SAMMSON: variants seen among roughly 807,000 people sequenced by gnomAD.
SAMMSON encodes the protein survival associated mitochondrial melanoma specific oncogenic non-coding RNA, also known as long intergenic non-protein coding RNA 1212.
At chr3:70,395,003 G>A (rs1192013819) in intron 2 of SAMMSON, among the ~76,000 whole-genome samples, 3 of 152,092 alleles carry the variant, frequency 2.0e-5, no homozygotes, top group East Asian at 3.9e-4. Context: ...GCTGAGTTTG[G>A]TGCTCTCTTA....
intron 2 of SAMMSON, among the ~76,000 whole-genome samples, chr3:70,413,085 TAAG>T (rs1701234651): frequency 6.6e-6 from 1 of 152,128 alleles, no homozygotes; most frequent in Admixed American, 6.6e-5. Context: ...TTTCCTTACT[TAAG>T]GAAACTAGAA....
Position 70,245,998 on chromosome 3 carries a change from A to C in SAMMSON, n.508-3109A>C, listed in dbSNP as rs559836963. On this transcript the variant is annotated intron_variant and non_coding_transcript_variant, in intron 4 of 9. Coordinates refer to ENST00000642114, the Ensembl canonical transcript of SAMMSON. ...GGAACTGAAATTGACAACAGCCTACATTTATATAACAATAACTTGCATTGT... is the reference window on the plus strand; with the variant it reads ...GGAACTGAAATTGACAACAGCCTACCTTTATATAACAATAACTTGCATTGT... 2.0e-5 allele frequency among the ~76,000 whole-genome samples: 3 copies of C among 151,762 alleles called. No individual in the cohort carries two copies. The South Asian group carries it at 6.2e-4, about 32-fold the overall frequency.
At chr3:70,079,211 C>G (rs925963032) in intron 4 of SAMMSON, among the ~76,000 whole-genome samples, 1 of 152,188 alleles carries the variant, frequency 6.6e-6, no homozygotes, top group Non-Finnish European at 1.5e-5. Flanking sequence ...GAGTCTCTGG[C>G]TAAGTTGCTT....
intron 4 of SAMMSON, among the ~76,000 whole-genome samples, chr3:70,191,401 G>A (rs753225435): frequency 6.6e-6 from 1 of 152,236 alleles, no homozygotes; most frequent in Non-Finnish European, 1.5e-5. Flanking sequence ...GAATGCTGAT[G>A]AGGGGCTGGC....
At chr3:70,238,349 T>A (rs551805643) in intron 4 of SAMMSON, among the ~76,000 whole-genome samples, 1 of 152,148 alleles carries the variant, frequency 6.6e-6, no homozygotes, top group South Asian at 2.1e-4. Context: ...GGCTCACACC[T>A]GTAACTCCAA....
chr3:70,368,719 T>A lies in SAMMSON; in HGVS notation n.913+10395T>A, dbSNP rs113997788. Among the ~76,000 whole-genome samples, 946 of 151,778 alleles carry A rather than the reference T, an allele frequency of 6.2e-3. 6 individuals are homozygous for A. The highest frequency in any genetic ancestry group is 0.024 in the Middle Eastern group (7 of 294). On this transcript the variant is annotated intron_variant and non_coding_transcript_variant, in intron 9 of 9. Coordinates refer to ENST00000642114, the Ensembl canonical transcript of SAMMSON. ...TTCTGGGCTCTCTGTTATGTTCTGT[T>A]GATTTATGTGTTTATTCCTTCACCA...
intron 7 of SAMMSON, among the ~76,000 whole-genome samples, chr3:70,353,237 T>C (rs1702806358): frequency 6.6e-6 from 1 of 151,952 alleles, no homozygotes; most frequent in Non-Finnish European, 1.5e-5. Flanking sequence ...TGTAAAATAA[T>C]AAAACTTTTC....
chr3:70,374,038 T>C (rs4974284), intron 9 of SAMMSON, among the ~76,000 whole-genome samples: 18,768 of 152,036 alleles, frequency 0.12, 1,368 homozygotes, highest in East Asian at 0.33. Flanking sequence ...TATCAGCCTC[T>C]GGAGTAGCTG....
chr3:70,248,084 T>G (rs1197964110), intron 4 of SAMMSON, among the ~76,000 whole-genome samples: 1 of 152,042 alleles, frequency 6.6e-6, no homozygotes, highest in Non-Finnish European at 1.5e-5. Context: ...TTATTGAGTA[T>G]GTATTAAATT....
At chr3:70,377,934 C>T (rs805479) in intron 9 of SAMMSON, among the ~76,000 whole-genome samples, 1 of 151,446 alleles carries the variant, frequency 6.6e-6, no homozygotes, top group Admixed American at 6.6e-5. Context: ...GACTGACAAA[C>T]ATTTAATAAG....
At chr3:70,027,731 T>C (rs940814540) in intron 3 of SAMMSON, among the ~76,000 whole-genome samples, 3 of 152,220 alleles carry the variant, frequency 2.0e-5, no homozygotes, top group African/African-American at 7.2e-5. Flanking sequence ...TTAGAAGCCA[T>C]ACATCATCAG....
intron 3 of SAMMSON, among the ~76,000 whole-genome samples, chr3:70,040,626 G>C (rs796736552): frequency 3.3e-5 from 5 of 152,216 alleles, no homozygotes; most frequent in African/African-American, 1.2e-4. Context: ...CCACCCTTTG[G>C]AATGCTGCAG....
chr3:70,327,550 A>T (rs1297622675), intron 7 of SAMMSON, among the ~76,000 whole-genome samples: 2 of 152,170 alleles, frequency 1.3e-5, no homozygotes, highest in South Asian at 2.1e-4. Context: ...AGAGCAAACA[A>T]TCAAGTCTTC....
At chr3:70,245,055 G>T (rs960115428) in intron 4 of SAMMSON, among the ~76,000 whole-genome samples, 2 of 152,038 alleles carry the variant, frequency 1.3e-5, no homozygotes, top group Non-Finnish European at 2.9e-5. Context: ...TGCAATCAGG[G>T]ATTTACAGAT....
At chr3:70,196,633 A>G (rs1474626488) in intron 4 of SAMMSON, among the ~76,000 whole-genome samples, 1 of 152,172 alleles carries the variant, frequency 6.6e-6, no homozygotes, top group Non-Finnish European at 1.5e-5. Context: ...TTAACATGCT[A>G]TTTTATAGTC....
chr3:70,249,308 G>A (rs1701737577), intron 5 of SAMMSON: 1 of 152,126 alleles, frequency 6.6e-6, no homozygotes, highest in Non-Finnish European at 1.5e-5. Context: ...CTTTCTGATG[G>A]AAGTTATAAT....
At chr3:70,232,636 G>C (rs1024860183) in intron 4 of SAMMSON, among the ~76,000 whole-genome samples, 3 of 151,956 alleles carry the variant, frequency 2.0e-5, no homozygotes, top group African/African-American at 4.8e-5. Context: ...CTGAGCTCGT[G>C]ATCCGCCCGC....
intron 6 of SAMMSON, among the ~76,000 whole-genome samples, chr3:70,268,254 T>C (rs956997942): frequency 3.3e-5 from 5 of 152,062 alleles, no homozygotes; most frequent in Non-Finnish European, 7.4e-5. Context: ...GCAGATTGCC[T>C]GAGCGCAGAA....
chr3:70,013,742 G>T (rs375328953), intron 3 of SAMMSON: 13 of 152,090 alleles, frequency 8.5e-5, no homozygotes, highest in Non-Finnish European at 2.9e-5. Flanking sequence ...TGCAAATTTT[G>T]CATGAATTTT....
Sources: allele counts gnomAD v4.1 joint callset (sites outside exome capture counted in the v4.1 genomes callset), GRCh38; gene constraint gnomAD v4.1.1; transcripts MANE v1.5; gene names NCBI Gene and HGNC (gene_info 2026-07-23, HGNC 2026-07-21).